EYS: variants seen among roughly 807,000 people sequenced by gnomAD.
EYS encodes the protein protein eyes shut homolog.
Under a neutral mutation model 282.1 loss-of-function variants are expected in EYS, and 250 were observed. That is an observed-to-expected ratio of 0.89 (90% CI 0.80 to 0.98). The LOEUF is 0.98. EYS is among the 50% of genes least tolerant of loss of function. EYS has a pLI of 0.00. For missense variants in EYS, 4,016 were observed against 3,709.0 expected, an observed-to-expected ratio of 1.08 and a Z score of -2.15; for synonymous variants, 1,355 against 1,282.9, an observed-to-expected ratio of 1.06 and a Z score of -1.20.
At chr6:63,890,508 C>A (rs2149724336) in intron 35 of EYS, among the ~76,000 whole-genome samples, 1 of 152,166 alleles carries the variant, frequency 6.6e-6, no homozygotes, top group South Asian at 2.1e-4. Context: ...GGGTAAATAA[C>A]AAAATTAAGG....
chr6:64,364,074 C>T (rs1363687090), intron 29 of EYS, among the ~76,000 whole-genome samples: 1 of 151,786 alleles, frequency 6.6e-6, no homozygotes, highest in African/African-American at 2.4e-5. Context: ...GTTTTTTTCC[C>T]TGTACAGTTG....
chr6:64,014,775 T>A (rs1459686449), intron 33 of EYS, among the ~76,000 whole-genome samples: 5 of 115,752 alleles, frequency 4.3e-5, no homozygotes, highest in Non-Finnish European at 1.7e-5. Flanking sequence ...TTTAGTCTTT[T>A]TTTATTTTTT....
chr6:64,349,633 T>TA (rs1303948860), intron 29 of EYS, among the ~76,000 whole-genome samples: 1 of 151,166 alleles, frequency 6.6e-6, no homozygotes, highest in African/African-American at 2.4e-5. Context: ...CTTTGATTAT[T>TA]AAAAATAAAG....
chr6:64,752,702 T>TA (rs1446617005), intron 22 of EYS, among the ~76,000 whole-genome samples: 1 of 152,044 alleles, frequency 6.6e-6, no homozygotes, highest in Admixed American at 6.6e-5. Flanking sequence ...GACATATAGT[T>TA]ACTAGGCAAT....
chr6:64,294,582 C>A (rs774217157), intron 30 of EYS, among the ~76,000 whole-genome samples: 1 of 152,130 alleles, frequency 6.6e-6, no homozygotes, highest in Non-Finnish European at 1.5e-5. Flanking sequence ...CTGTAATAAT[C>A]AAGTAAACGG....
At chr6:64,748,725 C>A (rs965578111) in intron 22 of EYS, among the ~76,000 whole-genome samples, 2 of 152,100 alleles carry the variant, frequency 1.3e-5, no homozygotes, top group Admixed American at 1.3e-4. Flanking sequence ...TCTAAAAGAG[C>A]AAAAGAATGA....
intron 41 of EYS, 129 bp downstream of exon 41, chr6:63,762,332 G>GA: frequency 1.2e-6 from 1 of 850,946 alleles, no homozygotes; most frequent in Non-Finnish European, 1.8e-6. Flanking sequence ...AAATATACTA[G>GA]AAAAAGAGGA....
intron 22 of EYS, among the ~76,000 whole-genome samples, chr6:64,783,966 A>G (rs757883873): frequency 7.9e-5 from 12 of 152,140 alleles, no homozygotes; most frequent in Non-Finnish European, 1.5e-4. Flanking sequence ...TCAAAATATT[A>G]CTTTTAAATG....
intron 12 of EYS, among the ~76,000 whole-genome samples, chr6:65,117,065 A>T (rs1028002529): frequency 1.3e-5 from 2 of 152,172 alleles, no homozygotes; most frequent in African/African-American, 4.8e-5. Flanking sequence ...AGTAGGTGAT[A>T]TGAATCACTT....
chr6:63,806,444 G>T, intron 36 of EYS, 72 bp from the exon 37 acceptor site: 6 of 1,307,906 alleles, frequency 4.6e-6, no homozygotes, highest in Non-Finnish European at 6.2e-6. Flanking sequence ...GTTACGTTTT[G>T]CTGATGCATC....
At chr6:64,357,257 T>C (rs1010348006) in intron 29 of EYS, among the ~76,000 whole-genome samples, 2 of 151,654 alleles carry the variant, frequency 1.3e-5, no homozygotes, top group African/African-American at 4.8e-5. Context: ...TCAATGACCT[T>C]TTTTAGAGAA....
chr6:63,903,288 A>G (rs961517), intron 35 of EYS, among the ~76,000 whole-genome samples: 57,968 of 151,944 alleles, frequency 0.38, 11,503 homozygotes, highest in African/African-American at 0.49. Flanking sequence ...AGGGGTAGGA[A>G]GGTCATCAAG....
At chr6:65,515,602 C>G (rs920477066) in intron 2 of EYS, among the ~76,000 whole-genome samples, 4 of 151,726 alleles carry the variant, frequency 2.6e-5, no homozygotes, top group Non-Finnish European at 5.9e-5. Flanking sequence ...CATGGAATAC[C>G]ATGCAGCCAG....
intron 14 of EYS, among the ~76,000 whole-genome samples, chr6:64,949,655 G>A (rs961631091): frequency 6.6e-6 from 1 of 151,854 alleles, no homozygotes; most frequent in Non-Finnish European, 1.5e-5. Context: ...ATATAATCAT[G>A]GAAGAAGTAT....
chr6:65,060,755 T>C (rs989901955), intron 12 of EYS, among the ~76,000 whole-genome samples: 3 of 146,478 alleles, frequency 2.0e-5, no homozygotes, highest in Middle Eastern at 3.3e-3. Context: ...TATATATATA[T>C]GTGTATATAC....
intron 12 of EYS, among the ~76,000 whole-genome samples, chr6:65,087,524 T>C (rs1038709458): frequency 3.3e-5 from 5 of 152,116 alleles, no homozygotes; most frequent in African/African-American, 1.2e-4. Flanking sequence ...CTCATTCTTT[T>C]CACTCTTCCT....
At chr6:64,430,844 T>G (rs1315288497) in intron 28 of EYS, among the ~76,000 whole-genome samples, 1 of 152,098 alleles carries the variant, frequency 6.6e-6, no homozygotes, top group Non-Finnish European at 1.5e-5. Context: ...TGCTGACTGG[T>G]GGAGAATTCA....
chr6:64,451,608 CAATAA>C (rs1775347723), intron 26 of EYS, among the ~76,000 whole-genome samples: 1 of 152,100 alleles, frequency 6.6e-6, no homozygotes, highest in Admixed American at 6.5e-5. Context: ...CAAAAATCCT[CAATAA>C]AATACTGGCA....
chr6:64,400,043 T>C (rs564479212), intron 28 of EYS, among the ~76,000 whole-genome samples: 1 of 151,854 alleles, frequency 6.6e-6, no homozygotes, highest in African/African-American at 2.4e-5. Flanking sequence ...ATTTTTGAAA[T>C]AAATAAATGA....
Sources: gnomAD v4.1 joint callset for allele counts (sites outside exome capture counted in the v4.1 genomes callset) on GRCh38, gnomAD v4.1.1 for gene constraint, MANE v1.5 for transcripts, NCBI Gene and HGNC (gene_info 2026-07-23, HGNC 2026-07-21) for gene names.